Variants in CD86 observed in about 807,000 individuals in gnomAD.
CD86 encodes T-lymphocyte activation antigen CD86.
Under a neutral mutation model 32.1 loss-of-function variants are expected in CD86, and 11 were observed. That is an observed-to-expected ratio of 0.34 (90% CI 0.22 to 0.57). CD86 has a LOEUF of 0.57. Ranked by LOEUF, CD86 falls within the 20% of genes least tolerant of loss-of-function variation. The pLI, the probability that CD86 is intolerant of heterozygous loss-of-function variation, is 0.86. For missense variants in CD86, 359 were observed against 398.4 expected, an observed-to-expected ratio of 0.90 and a Z score of 0.84; for synonymous variants, 137 against 135.3, an observed-to-expected ratio of 1.01 and a Z score of -0.09.
chr3:122,109,443 C>T (rs370028428), intron 5 of CD86, 35 bp downstream of exon 5: 24 of 1,612,046 alleles, frequency 1.5e-5, no homozygotes, highest in Non-Finnish European at 1.9e-5. Context: ...CAGACTGTCA[C>T]TTTGCACCTA....
At chr3:122,087,454 G>A (rs548058979) in intron 1 of CD86, among the ~76,000 whole-genome samples, 3 of 152,158 alleles carry the variant, frequency 2.0e-5, no homozygotes, top group African/African-American at 7.2e-5. Context: ...ACTTCTTCAC[G>A]GCCAATGACA....
chr3:122,107,567 C>T (rs144018838), intron 4 of CD86, among the ~76,000 whole-genome samples: 1 of 152,200 alleles, frequency 6.6e-6, no homozygotes. Context: ...GCAAGATTCC[C>T]TCCTGGAATA....
chr3:122,108,682 A>G (rs929378846), intron 4 of CD86, among the ~76,000 whole-genome samples: 8 of 152,186 alleles, frequency 5.3e-5, no homozygotes, highest in Admixed American at 2.6e-4. Flanking sequence ...AGAAACATCA[A>G]AGGTTTTTCA....
At chr3:122,059,180 T>G (rs1020636538) in intron 1 of CD86, among the ~76,000 whole-genome samples, 1 of 152,138 alleles carries the variant, frequency 6.6e-6, no homozygotes, top group Non-Finnish European at 1.5e-5. Context: ...TGGCCTGGAA[T>G]GCACATGAAG....
intron 1 of CD86, among the ~76,000 whole-genome samples, chr3:122,062,067 A>G (rs1477288179): frequency 6.6e-6 from 1 of 152,038 alleles, no homozygotes; most frequent in Non-Finnish European, 1.5e-5. Context: ...ATAATTATTT[A>G]AAAATGAAAA....
chr3:122,101,760 G>A (rs1404630663), intron 2 of CD86, among the ~76,000 whole-genome samples: 1 of 151,890 alleles, frequency 6.6e-6, no homozygotes, highest in Non-Finnish European at 1.5e-5. Flanking sequence ...TACAGTAGGG[G>A]GCACTCTTGC....
intron 2 of CD86, among the ~76,000 whole-genome samples, chr3:122,094,360 G>C (rs1296302210): frequency 6.6e-6 from 1 of 152,150 alleles, no homozygotes; most frequent in Non-Finnish European, 1.5e-5. Flanking sequence ...TACCAATATT[G>C]AAAGCAACAA....
chr3:122,120,812 C>G lies in CD86; in HGVS notation c.*1278C>G, dbSNP rs1185663550. The G allele has an allele frequency of 1.0e-4, 16 of 152,546 alleles. No individual in the cohort carries two copies. The highest frequency in any genetic ancestry group is 9.8e-4 in the Admixed American group (15 of 15,288). The allele number at this position is 152,546 out of a possible 1,614,324, so 9.4% of individuals were successfully genotyped here. A position where few individuals can be genotyped will look rare whatever the true frequency, so the allele number is the denominator to read the frequency against. ...AATTTGAGTTGGATGATTGTTTTTG[C>G]TCAAGGCAACCAGAGGAAACTTGCA... On this transcript the variant is annotated 3_prime_UTR_variant, in exon 7 of 7. Transcript: ENST00000330540.
chr3:122,101,510 AAAAATAT>A (rs1201081314), intron 2 of CD86, among the ~76,000 whole-genome samples: 24 of 28,648 alleles, frequency 8.4e-4, no homozygotes, highest in African/African-American at 2.0e-3. Context: ...AAAAAAAAAA[AAAAATAT>A]ATATATATAT....
chr3:122,074,661 T>C (rs10511408), intron 1 of CD86, among the ~76,000 whole-genome samples: 6,720 of 152,240 alleles, frequency 0.044, 211 homozygotes, highest in South Asian at 0.11. Flanking sequence ...CTCTGGCACA[T>C]GGAGTAGATC....
At chr3:122,100,020 A>G (rs1336345054) in intron 2 of CD86, among the ~76,000 whole-genome samples, 1 of 152,168 alleles carries the variant, frequency 6.6e-6, no homozygotes, top group Non-Finnish European at 1.5e-5. Context: ...TGAGATTAAG[A>G]TTCTAGGGAC....
At position 122,118,103 on chromosome 3, in the gene CD86, G is replaced by A. The variant is rs1365172771; in HGVS notation, c.893+10G>A. 6.5e-7 allele frequency: 1 copy of A among 1,542,590 alleles called. No individual in the cohort carries two copies. Among genetic ancestry groups the A allele is most frequent in the Non-Finnish European group, 8.7e-7 (1 of 1,151,814 alleles). On this transcript the variant is annotated intron_variant, in intron 6 of 6. Coordinates refer to ENST00000330540, the MANE Select transcript of CD86 (RefSeq NM_175862.5). ...AACAGACCAAGAAAAGGTAAATCCT[G>A]ACCCTGAGACATTGATGAGAGAGAG... is the stretch of plus-strand genomic sequence containing the variant.
rs1231589827 is a variant in CD86, at chr3:122,094,711, ATTCTGTTTAAC to A, written c.64+3064_64+3074del. Among the ~76,000 whole-genome samples the A allele has an allele frequency of 1.2e-4, 8 of 64,786 alleles. No homozygotes were observed. The Admixed American group carries it at 1.7e-3, about 14-fold the overall frequency. 42.5% of individuals were successfully genotyped at this position (64,786 alleles called of 152,430 possible). On this transcript the variant is annotated intron_variant, in intron 2 of 6. Transcript: ENST00000330540. ...ATAGAAATAGCAATACAGTGAAGCA[ATTCTGTTTAAC>A]TTTTCCCTCCCTATATTTTGTGTCC...
chr3:122,086,495 T>A (rs2072722425), intron 1 of CD86: 2 of 440,218 alleles, frequency 4.5e-6, no homozygotes, highest in Admixed American at 2.4e-5. Flanking sequence ...CCCTTCTTAG[T>A]TCCTTCCTTT....
At chr3:122,069,750 G>A (rs2072464197) in intron 1 of CD86, among the ~76,000 whole-genome samples, 1 of 152,032 alleles carries the variant, frequency 6.6e-6, no homozygotes, top group Admixed American at 6.6e-5. Context: ...CTGATTCTAG[G>A]CATGCCCCAG....
chr3:122,090,072 A>G (rs888483959), intron 1 of CD86, among the ~76,000 whole-genome samples: 1 of 152,220 alleles, frequency 6.6e-6, no homozygotes, highest in African/African-American at 2.4e-5. Flanking sequence ...CCTCTGTGGA[A>G]GAAAACTAGA....
chr3:122,109,047 T>A (rs2107544350), intron 4 of CD86, among the ~76,000 whole-genome samples: 1 of 152,312 alleles, frequency 6.6e-6, no homozygotes, highest in South Asian at 2.1e-4. Flanking sequence ...GCATGGCAGC[T>A]CAGTCCAGGC....
At chr3:122,090,860 C>T (rs2072805930) in intron 1 of CD86, among the ~76,000 whole-genome samples, 1 of 152,136 alleles carries the variant, frequency 6.6e-6, no homozygotes, top group South Asian at 2.1e-4. Flanking sequence ...AAGCGTGGTC[C>T]TTAGGCCGGC....
At chr3:122,109,514 C>T in intron 5 of CD86, 106 bp downstream of exon 5, 1 of 1,310,266 alleles carries the variant, frequency 7.6e-7, no homozygotes, top group South Asian at 1.3e-5. Context: ...GGCAAAAAGT[C>T]AGGAAGTTGT....
Sources: allele counts gnomAD v4.1 joint callset (sites outside exome capture counted in the v4.1 genomes callset), GRCh38; gene constraint gnomAD v4.1.1; transcripts MANE v1.5; gene names NCBI Gene and HGNC (gene_info 2026-07-23, HGNC 2026-07-21).